The following SNX9 variants were observed in gnomAD, a reference collection of about 807,000 sequenced individuals.
The protein encoded by SNX9 is sorting nexin-9.
Under a neutral mutation model 89.4 loss-of-function variants are expected in SNX9, and 44 were observed. The ratio of observed to expected loss-of-function variants is 0.49; its 90% CI spans 0.39 to 0.63. The LOEUF is 0.63. SNX9 is among the 30% of genes least tolerant of loss of function. SNX9 has a pLI of 0.00. For synonymous variants in SNX9, 236 were observed against 247.8 expected (o/e 0.95, Z 0.45); for missense variants, 578 against 736.1 (o/e 0.79, Z 2.49).
intron 15 of SNX9, among the ~76,000 whole-genome samples, chr6:157,938,403 G>A (rs1482920887): frequency 6.6e-6 from 1 of 152,150 alleles, no homozygotes; most frequent in African/African-American, 2.4e-5. Flanking sequence ...TTTTGTTGTA[G>A]CATAAAACTG....
chr6:157,893,608 T>TTGTGTGTGTG (rs3047741), intron 4 of SNX9, among the ~76,000 whole-genome samples: 29 of 148,860 alleles, frequency 1.9e-4, no homozygotes, highest in South Asian at 6.5e-4. Flanking sequence ...CTAGCACCAT[T>TTGTGTGTGTG]TGTGTGTGTG....
intron 17 of SNX9, among the ~76,000 whole-genome samples, chr6:157,941,920 T>C (rs2115226195): frequency 6.6e-6 from 1 of 152,346 alleles, no homozygotes; most frequent in East Asian, 1.9e-4. Flanking sequence ...ACTTTTCCCG[T>C]CAGTTGGTGC....
At chr6:157,913,478 TC>T (rs1451614022) in intron 9 of SNX9, among the ~76,000 whole-genome samples, 1 of 152,184 alleles carries the variant, frequency 6.6e-6, no homozygotes, top group Non-Finnish European at 1.5e-5. Flanking sequence ...ACTCATAATT[TC>T]TAAAGGAAAG....
At chr6:157,922,534 A>G (rs1783603837) in intron 10 of SNX9, among the ~76,000 whole-genome samples, 1 of 152,262 alleles carries the variant, frequency 6.6e-6, no homozygotes, top group African/African-American at 2.4e-5. Context: ...TCTTTGTAGT[A>G]ATTTTCACTT....
rs184831738 is a variant in SNX9, at chr6:157,839,495, T to A, written c.12+16049T>A. Among the ~76,000 whole-genome samples the A allele has an allele frequency of 1.6e-3, 239 of 152,370 alleles. 1 individual carries two copies. Among genetic ancestry groups the A allele is most frequent in the African/African-American group, 5.5e-3 (227 of 41,592 alleles). On this transcript the variant is annotated intron_variant, in intron 1 of 17. Coordinates refer to ENST00000392185, the MANE Select transcript of SNX9 (RefSeq NM_016224.5). ...TTATTAATACATTACTTTGAAAAGT[T>A]ACTTACTGCTTCACTTTCCTTATCT...
chr6:157,935,502 A>G (rs1783904879), intron 13 of SNX9, among the ~76,000 whole-genome samples: 1 of 152,178 alleles, frequency 6.6e-6, no homozygotes, highest in Non-Finnish European at 1.5e-5. Context: ...GACAAATTCA[A>G]CACCCCACGA....
At position 157,875,063 on chromosome 6, in the gene SNX9, G is replaced by C. The variant is rs749995079; in HGVS notation, c.187G>C (p.Asp63His). The change falls in exon 4 of 18, where the codon GAT becomes CAT. Residue 63 changes from aspartate to histidine, a missense_variant. Transcript: ENST00000392185. ...TTCTCCTATTCAGATTTTACCCAGT[G>C]ATGGAAAAGATCAATTTTCTTGTGG... ...PTDYVEILPS[D>H]GKDQFSCGNS... The C allele has an allele frequency of 2.5e-6, 4 of 1,613,740 alleles. No homozygotes were observed. The highest frequency in any genetic ancestry group is 3.4e-6 in the Non-Finnish European group (4 of 1,179,916).
intron 1 of SNX9, among the ~76,000 whole-genome samples, chr6:157,864,431 G>A (rs1562597835): frequency 1.3e-5 from 2 of 152,136 alleles, no homozygotes; most frequent in South Asian, 2.1e-4. Flanking sequence ...AGTGTGTGAG[G>A]CTGTTTCCAT....
At chr6:157,837,389 T>C (rs1243229477) in intron 1 of SNX9, among the ~76,000 whole-genome samples, 3 of 152,236 alleles carry the variant, frequency 2.0e-5, no homozygotes. Context: ...CATTGTATAA[T>C]ATGTTCCTAC....
intron 14 of SNX9, 32 bp downstream of exon 14, chr6:157,936,072 A>C (rs1783918129): frequency 1.3e-6 from 2 of 1,551,452 alleles, no homozygotes; most frequent in Non-Finnish European, 1.8e-6. Flanking sequence ...TCCAATTAAG[A>C]TTTGTTGCTA....
At chr6:157,933,240 G>C (rs766287257) in intron 13 of SNX9, among the ~76,000 whole-genome samples, 12 of 152,084 alleles carry the variant, frequency 7.9e-5, no homozygotes, top group Non-Finnish European at 1.3e-4. Context: ...GCTATAGTGT[G>C]CCATGATCAC....
At chr6:157,870,583 G>A (rs1445706213) in intron 2 of SNX9, among the ~76,000 whole-genome samples, 4 of 137,622 alleles carry the variant, frequency 2.9e-5, no homozygotes, top group Non-Finnish European at 6.2e-5. Context: ...GCACTCACCC[G>A]TGCAAGCACA....
chr6:157,855,844 C>A (rs982181973), intron 1 of SNX9, among the ~76,000 whole-genome samples: 6 of 152,334 alleles, frequency 3.9e-5, no homozygotes, highest in African/African-American at 1.4e-4. Flanking sequence ...TCAAGTGATT[C>A]TCCTGCCTCA....
At chr6:157,887,677 T>A (rs1782764058) in intron 4 of SNX9, among the ~76,000 whole-genome samples, 2 of 152,336 alleles carry the variant, frequency 1.3e-5, no homozygotes, top group Non-Finnish European at 1.5e-5. Flanking sequence ...TTCATCATAT[T>A]TTTTGTTTTC....
intron 16 of SNX9, 50 bp from the exon 17 acceptor site, chr6:157,940,833 C>A: frequency 1.3e-6 from 2 of 1,534,096 alleles, no homozygotes; most frequent in South Asian, 2.2e-5. Flanking sequence ...CAGGTGTTGT[C>A]ATTTGAAAAC....
chr6:157,917,678 C>T (rs1010923454), intron 9 of SNX9, among the ~76,000 whole-genome samples: 2 of 152,116 alleles, frequency 1.3e-5, no homozygotes, highest in African/African-American at 4.8e-5. Context: ...AACCTATGCA[C>T]ATTCTCCCGT....
At chr6:157,934,357 A>G (rs1783878942) in intron 13 of SNX9, 1 of 152,260 alleles carries the variant, frequency 6.6e-6, no homozygotes, top group Non-Finnish European at 1.5e-5. Context: ...CTTGTTTTGT[A>G]CAGTTGACTT....
intron 1 of SNX9, among the ~76,000 whole-genome samples, chr6:157,844,288 T>TA (rs1223337764): frequency 6.6e-6 from 1 of 152,118 alleles, no homozygotes; most frequent in African/African-American, 2.4e-5. Context: ...AGTCTACCCA[T>TA]AGAGTTTTTA....
At chr6:157,863,129 T>C (rs1400852294) in intron 1 of SNX9, among the ~76,000 whole-genome samples, 1 of 152,208 alleles carries the variant, frequency 6.6e-6, no homozygotes, top group Non-Finnish European at 1.5e-5. Flanking sequence ...CCAACTCCCA[T>C]ACCAAAGAGC....
Sources: gnomAD v4.1 joint callset for allele counts (sites outside exome capture counted in the v4.1 genomes callset) on GRCh38, gnomAD v4.1.1 for gene constraint, MANE v1.5 for transcripts, NCBI Gene and HGNC (gene_info 2026-07-23, HGNC 2026-07-21) for gene names.